MARCHF8: variants seen among roughly 807,000 people sequenced by gnomAD.
MARCHF8 encodes the protein E3 ubiquitin-protein ligase MARCHF8.
Under a neutral mutation model 51.6 loss-of-function variants are expected in MARCHF8, and 40 were observed. The observed-to-expected ratio is 0.77, with a 90% confidence interval of 0.60 to 1.01. MARCHF8 has a LOEUF of 1.01. Ranked by LOEUF, MARCHF8 falls within the 50% of genes least tolerant of loss-of-function variation. MARCHF8 has a pLI of 0.00. For synonymous variants in MARCHF8, 263 were observed against 280.3 expected (o/e 0.94, Z 0.62); for missense variants, 685 against 708.6 (o/e 0.97, Z 0.38).
intron 2 of MARCHF8, among the ~76,000 whole-genome samples, chr10:45,501,092 T>C (rs1336652809): frequency 1.3e-5 from 2 of 151,666 alleles, no homozygotes; most frequent in Non-Finnish European, 2.9e-5. Context: ...TGACAACTCT[T>C]CCCCAAATTG....
chr10:45,557,477 T>C (rs1329824126), intron 1 of MARCHF8, among the ~76,000 whole-genome samples: 2 of 152,152 alleles, frequency 1.3e-5, no homozygotes, highest in Non-Finnish European at 2.9e-5. Flanking sequence ...TATTCTATCC[T>C]ACACAGACCT....
chr10:45,540,134 T>G (rs2044029955), upstream of MARCHF8, among the ~76,000 whole-genome samples: 1 of 152,206 alleles, frequency 6.6e-6, no homozygotes, highest in African/African-American at 2.4e-5. Flanking sequence ...CAAGGTAATT[T>G]ATAGATTCAA....
chr10:45,553,275 G>A (rs569403804), intron 1 of MARCHF8: 35 of 152,248 alleles, frequency 2.3e-4, no homozygotes, highest in African/African-American at 7.7e-4. Flanking sequence ...TGTTCCTAAA[G>A]TCTCAATCTA....
At chr10:45,506,291 C>T (rs1428796879) in intron 2 of MARCHF8, among the ~76,000 whole-genome samples, 2 of 152,084 alleles carry the variant, frequency 1.3e-5, no homozygotes, top group African/African-American at 4.8e-5. Context: ...TTAAAAGAAA[C>T]AGTTGTATCT....
intron 2 of MARCHF8, among the ~76,000 whole-genome samples, chr10:45,522,865 C>T (rs902245746): frequency 2.0e-5 from 3 of 152,120 alleles, no homozygotes. Flanking sequence ...TAAAACATTC[C>T]AAGCCAGGTG....
intron 1 of MARCHF8, among the ~76,000 whole-genome samples, chr10:45,574,381 G>A (rs1043037453): frequency 2.6e-5 from 4 of 151,944 alleles, no homozygotes; most frequent in Non-Finnish European, 1.5e-5. Flanking sequence ...TATCTACCCC[G>A]TGGTGCCAAA....
intron 5 of MARCHF8, chr10:45,462,039 AG>A (rs1434793815): frequency 1.3e-5 from 2 of 152,242 alleles, no homozygotes; most frequent in Non-Finnish European, 2.9e-5. Context: ...TCTATTTCCA[AG>A]GAAGTATGCA....
chr10:45,591,974 T>G (rs1463221300), intron 1 of MARCHF8, among the ~76,000 whole-genome samples: 2 of 152,186 alleles, frequency 1.3e-5, no homozygotes, highest in Non-Finnish European at 2.9e-5. Flanking sequence ...TCAATTTCCA[T>G]AGCATTTGTA....
intron 1 of MARCHF8, among the ~76,000 whole-genome samples, chr10:45,567,614 C>T (rs547604562): frequency 3.3e-5 from 5 of 151,986 alleles, no homozygotes; most frequent in East Asian, 1.9e-4. Flanking sequence ...TCTGGGTTCT[C>T]GGTTCTCTAT....
chr10:45,567,921 A>G (rs954374157), intron 1 of MARCHF8, among the ~76,000 whole-genome samples: 13 of 152,134 alleles, frequency 8.5e-5, no homozygotes, highest in African/African-American at 3.1e-4. Context: ...ATGAACATGT[A>G]ATATTTTTCC....
At chr10:45,546,612 T>C (rs990149684) in intron 1 of MARCHF8, among the ~76,000 whole-genome samples, 4 of 151,820 alleles carry the variant, frequency 2.6e-5, no homozygotes, top group African/African-American at 9.7e-5. Context: ...TGAGACCCCA[T>C]CTCTCCTAAA....
At chr10:45,475,969 T>C (rs910745156) in intron 3 of MARCHF8, among the ~76,000 whole-genome samples, 2 of 152,102 alleles carry the variant, frequency 1.3e-5, no homozygotes, top group South Asian at 2.1e-4. Context: ...ACATGACTTA[T>C]AGCCAAAGAA....
chr10:45,543,949 TC>T, intron 1 of MARCHF8, among the ~76,000 whole-genome samples: 1 of 152,188 alleles, frequency 6.6e-6, no homozygotes, highest in Admixed American at 6.5e-5. Context: ...GTGCCTGTAG[TC>T]CTAGCTATTC....
Position 45,486,100 on chromosome 10 carries a change from G to C in MARCHF8, c.153+3267C>G, listed in dbSNP as rs1190115370. On this transcript the variant is annotated intron_variant, in intron 3 of 7. Coordinates refer to ENST00000453424, the MANE Select transcript of MARCHF8 (RefSeq NM_001282866.2). ...ATGCTAACTATCTTCGTTACAAAAG[G>C]GTACACTTTGCAACAGAATTTCACG... Among the ~76,000 whole-genome samples, 3 of 152,064 alleles carry C rather than the reference G, an allele frequency of 2.0e-5. No homozygotes were observed. The East Asian group carries it at 5.8e-4, about 29-fold the overall frequency.
intron 1 of MARCHF8, among the ~76,000 whole-genome samples, chr10:45,571,885 C>G (rs113588255): frequency 0.035 from 5,357 of 152,292 alleles, 145 homozygotes; most frequent in Non-Finnish European, 0.052. Context: ...ACCCAAAACT[C>G]CAGCACCAGT....
chr10:45,463,956 C>G lies in MARCHF8; in HGVS notation c.283G>C (p.Val95Leu). 6.5e-7 allele frequency: 1 copy of G among 1,536,060 alleles called. No individual in the cohort carries two copies. Among genetic ancestry groups the G allele is most frequent in the Non-Finnish European group, 8.7e-7 (1 of 1,146,902 alleles). Residue 95 changes from valine to leucine, a missense_variant, in exon 5 of 8, where the codon GTG becomes CTG. Val to Leu is a conservative substitution (Grantham distance 32). Coordinates refer to ENST00000453424, the MANE Select transcript of MARCHF8 (RefSeq NM_001282866.2). The part of the protein sequence containing the change: ...VFSECCHHSS[V>L]QSAVVSKAPH... ...GCTTTCGAGACAACAGCAGACTGCA[C>G]GGAACTGTGGTGACAACACTCAGAA...
At chr10:45,518,670 T>G (rs2043658178) in intron 2 of MARCHF8, among the ~76,000 whole-genome samples, 1 of 152,218 alleles carries the variant, frequency 6.6e-6, no homozygotes, top group South Asian at 2.1e-4. Flanking sequence ...CCTCAACTCC[T>G]AACAGATTGC....
chr10:45,547,002 C>T (rs1351638972), intron 1 of MARCHF8, among the ~76,000 whole-genome samples: 1 of 152,018 alleles, frequency 6.6e-6, no homozygotes, highest in Non-Finnish European at 1.5e-5. Flanking sequence ...GTGGGAGGAC[C>T]ACTTTAGGCC....
chr10:45,588,409 A>G (rs991171967), intron 1 of MARCHF8, among the ~76,000 whole-genome samples: 6 of 152,178 alleles, frequency 3.9e-5, no homozygotes, highest in African/African-American at 1.4e-4. Context: ...CCTTTGCTGA[A>G]GTCATAAATA....
Sources: gnomAD v4.1 joint callset for allele counts (sites outside exome capture counted in the v4.1 genomes callset) on GRCh38, gnomAD v4.1.1 for gene constraint, MANE v1.5 for transcripts, NCBI Gene and HGNC (gene_info 2026-07-23, HGNC 2026-07-21) for gene names.